TMPRSS6: variants seen among roughly 807,000 people sequenced by gnomAD.
TMPRSS6 encodes transmembrane serine protease 6, also known as transmembrane protease serine 6.
A neutral mutation model predicts 101.5 loss-of-function variants in TMPRSS6; 67 were observed. The observed-to-expected ratio is 0.66, with a 90% CI of 0.54 to 0.81. The LOEUF (loss-of-function observed/expected upper bound fraction) is 0.81. TMPRSS6 is among the 30% of genes least tolerant of loss of function. The pLI is 0.00. For missense variants in TMPRSS6, 1,034 were observed against 1,088.7 expected (o/e 0.95, Z 0.71); for synonymous variants, 453 against 464.9 (o/e 0.97, Z 0.33).
In TMPRSS6 at chr22:37,095,906, C is replaced by T. The variant is rs778229595; in HGVS notation, c.589G>A (p.Glu197Lys). The change falls in exon 5 of 18, where the codon GAA becomes AAA. Residue 197 changes from glutamate to lysine, a missense_variant and splice_region_variant. By Grantham distance (56) the Glu-to-Lys change is moderately conservative. Transcript: ENST00000676104. ...CCACGTTTCCACTCGCAGTACTGAC[C>T]CAGGATCACTAGGCCCTCGGGGTCC... ...EVDPEGLVILEASVKDIAALN... is the reference protein window; with the variant it reads ...EVDPEGLVILKASVKDIAALN... The T allele has an allele frequency of 1.2e-6, 2 of 1,614,042 alleles. No individual in the cohort carries two copies. Among genetic ancestry groups the T allele is most frequent in the Non-Finnish European group, 1.7e-6 (2 of 1,179,962 alleles).
In TMPRSS6 at chr22:37,073,594, G is replaced by A. The variant is rs138915369; in HGVS notation, c.1493C>T (p.Pro498Leu). ...CKEDSTCISL[P>L]KVCDGQPDCL... ...ATCAGGCTGCCCATCACAGACCTTG[G>A]GCAGTGAGATGCATGTGCTGTCCTC... The change falls in exon 13 of 18, where the codon CCC (proline) becomes CTC (leucine). Residue 498 changes from proline to leucine, a missense_variant. Physicochemically the swap from Pro to Leu is moderately conservative, Grantham distance 98 (BLOSUM62 -3). Transcript: ENST00000676104. The A allele has an allele frequency of 1.9e-4, 305 of 1,614,026 alleles. No individual in the cohort carries two copies. The highest frequency in any genetic ancestry group is 2.2e-4 in the Non-Finnish European group (262 of 1,180,026).
chr22:37,092,778 G>T (rs930301035), intron 6 of TMPRSS6, among the ~76,000 whole-genome samples: 1 of 152,220 alleles, frequency 6.6e-6, no homozygotes, highest in Admixed American at 6.5e-5. Flanking sequence ...TTACAGGCTT[G>T]TGCCACCACG....
rs781235699 is a variant in TMPRSS6, at chr22:37,066,039, G to C, written c.*41C>G. On this transcript the variant is annotated 3_prime_UTR_variant, in exon 18 of 18. Coordinates refer to ENST00000676104, the MANE Select transcript of TMPRSS6 (RefSeq NM_001374504.1). Reference sequence around the variant, plus strand: ...GCTTGGCAGTTGCCCTGGGCTCTCTGAGTCCAGGAGGTGGGCCCTGCTTTG... The same window carrying C: ...GCTTGGCAGTTGCCCTGGGCTCTCTCAGTCCAGGAGGTGGGCCCTGCTTTG... 4.3e-6 allele frequency: 7 copies of C among 1,612,752 alleles called. No homozygotes were observed. In the South Asian group the frequency reaches 6.6e-5, roughly 15 times the overall value.
At chr22:37,067,174 A>G (rs1926381482) in intron 16 of TMPRSS6, among the ~76,000 whole-genome samples, 2 of 152,148 alleles carry the variant, frequency 1.3e-5, no homozygotes, top group Admixed American at 1.3e-4. Flanking sequence ...GCCCCCGACC[A>G]AAGCCCATGT....
In TMPRSS6 at chr22:37,086,354, A is replaced by T; in HGVS notation, c.902T>A (p.Val301Asp). 1 of 1,612,414 alleles carries T rather than the reference A, an allele frequency of 6.2e-7. No homozygotes were observed. Among genetic ancestry groups the T allele is most frequent in the Non-Finnish European group, 8.5e-7 (1 of 1,179,374 alleles). ...GCTGTGCAGGCCCTTCTTCCAGACGACCGCCATGATGGCCCCCGACGCCAG... is the reference window on the plus strand; with the variant it reads ...GCTGTGCAGGCCCTTCTTCCAGACGTCCGCCATGATGGCCCCCGACGCCAG... ...EVLASGAIMAVVWKKGLHSYY... is the reference protein window; with the variant it reads ...EVLASGAIMADVWKKGLHSYY... Residue 301 changes from valine (V) to aspartate (D), a missense_variant, in exon 8 of 18, where the codon GTC becomes GAC. Coordinates refer to ENST00000676104, the MANE Select transcript of TMPRSS6 (RefSeq NM_001374504.1).
At chr22:37,077,026 T>A (rs891114372) in intron 10 of TMPRSS6, among the ~76,000 whole-genome samples, 9 of 152,222 alleles carry the variant, frequency 5.9e-5, no homozygotes, top group African/African-American at 2.2e-4. Context: ...AATAAGTTAA[T>A]CAATTCCTTA....
chr22:37,082,816 C>G (rs1032646429), intron 10 of TMPRSS6: 1 of 370,420 alleles, frequency 2.7e-6, no homozygotes, highest in East Asian at 7.2e-5. Context: ...CCCCATGTTA[C>G]CCCCAACAGC....
In TMPRSS6 at chr22:37,089,663, G is replaced by A. The variant is rs754758973; in HGVS notation, c.751C>T (p.Arg251Trp). Residue 251 changes from arginine to tryptophan, a missense_variant, in exon 7 of 18, where the codon CGG becomes TGG. Physicochemically the swap from Arg to Trp is moderately radical, Grantham distance 101. Transcript: ENST00000676104. ...QGPKDLMLKLRLEWTLAECRD... is the reference protein window; with the variant it reads ...QGPKDLMLKLWLEWTLAECRD... ...CACTCTGCCAGCGTCCACTCCAGCC[G>A]GAGTTTGAGCATGAGGTCCTTGGGG... is the stretch of plus-strand genomic sequence containing the variant. 17 of 1,612,494 alleles carry A rather than the reference G, an allele frequency of 1.1e-5. No individual in the cohort carries two copies. Among genetic ancestry groups the A allele is most frequent in the African/African-American group, 2.7e-5 (2 of 74,860 alleles).
rs1930553927 is a variant in TMPRSS6 at position 37,103,991 on chromosome 22, G to A, written c.-1-573C>T. Among the ~76,000 whole-genome samples the A allele has an allele frequency of 6.6e-6, 1 of 152,182 alleles. No homozygotes were observed. The highest frequency in any genetic ancestry group is 2.4e-5 in the African/African-American group (1 of 41,434). ...TCTCTCTCACCTTTCTGCTCTCAAA[G>A]TCTTGTGGCAGAGGAAGGGAACAAA... is the stretch of plus-strand genomic sequence containing the variant. On this transcript the variant is annotated intron_variant, in intron 1 of 17. Transcript: ENST00000676104. The surrounding 1 kb of genome is among the most constrained non-coding windows in gnomAD (Gnocchi z 4.4).
upstream of TMPRSS6, among the ~76,000 whole-genome samples, chr22:37,110,086 T>C (rs1601585249): frequency 6.7e-6 from 1 of 149,468 alleles, no homozygotes; most frequent in Admixed American, 6.7e-5. Context: ...AGGGGTGGGG[T>C]TTGATGCTAT....
At chr22:37,067,892 G>GGCCCTGTCTTC (rs1926480536) in intron 16 of TMPRSS6, among the ~76,000 whole-genome samples, 1 of 151,830 alleles carries the variant, frequency 6.6e-6, no homozygotes, top group Admixed American at 6.6e-5. Flanking sequence ...CCTCGCCCAG[G>GGCCCTGTCTTC]CACGCCTGCC....
chr22:37,074,414 G>A (rs1319283354), intron 12 of TMPRSS6, among the ~76,000 whole-genome samples, 196 bp downstream of exon 12: 1 of 152,180 alleles, frequency 6.6e-6, no homozygotes, highest in Non-Finnish European at 1.5e-5. Context: ...ACTGTCCCAC[G>A]AGGTGGTCTC....
chr22:37,099,618 G>A (rs984204245), intron 2 of TMPRSS6, among the ~76,000 whole-genome samples: 2 of 152,148 alleles, frequency 1.3e-5, no homozygotes, highest in African/African-American at 4.8e-5. Context: ...AGAAAAAACT[G>A]CCCTTAATAG....
chr22:37,106,601 G>A lies in TMPRSS6; in HGVS notation c.-2+2902C>T, dbSNP rs78262902. 7.4e-3 allele frequency among the ~76,000 whole-genome samples: 1,133 copies of A among 152,152 alleles called. 23 individuals are homozygous for A. The highest frequency in any genetic ancestry group is 0.026 in the African/African-American group (1,099 of 41,492). ...AACTTCCCACCCAAACCCCTGGGGC[G>A]GCCTCCTCACTAGGTCCCCTGCCTC... On this transcript the variant is annotated intron_variant, in intron 1 of 17. Transcript: ENST00000676104.
chr22:37,083,476 C>T (rs1233702233), intron 10 of TMPRSS6, among the ~76,000 whole-genome samples: 1 of 152,204 alleles, frequency 6.6e-6, no homozygotes, highest in Non-Finnish European at 1.5e-5. Context: ...CTTAAATGTC[C>T]CCTTCCTTGA....
chr22:37,096,215 GCCT>G, intron 4 of TMPRSS6, 125 bp from the exon 5 acceptor site: 2 of 1,092,684 alleles, frequency 1.8e-6, no homozygotes, highest in Non-Finnish European at 2.7e-6. Context: ...TCACGCAGAA[GCCT>G]CCTAGCGACC....
At position 37,075,242 on chromosome 22, in the gene TMPRSS6, C is replaced by G; in HGVS notation, c.1235G>C (p.Arg412Thr). ...CCCGGCCGTGGCCACCACGGGGATC[C>G]TCTCGGCGTAGGGCTGCAGGATGCG... is the stretch of plus-strand genomic sequence containing the variant. The part of the protein sequence containing the change: ...GLRILQPYAE[R>T]IPVVATAGIT... Residue 412 changes from arginine to threonine, a missense_variant, in exon 11 of 18, where the codon AGG becomes ACG. Physicochemically the swap from Arg to Thr is moderately conservative, Grantham distance 71. Coordinates refer to ENST00000676104, the MANE Select transcript of TMPRSS6 (RefSeq NM_001374504.1). The G allele has an allele frequency of 6.2e-7, 1 of 1,613,762 alleles. No homozygotes were observed. The highest frequency in any genetic ancestry group is 8.5e-7 in the Non-Finnish European group (1 of 1,180,028).
upstream of TMPRSS6, among the ~76,000 whole-genome samples, chr22:37,110,425 T>C (rs1026924708): frequency 6.6e-6 from 1 of 151,958 alleles, no homozygotes; most frequent in Non-Finnish European, 1.5e-5. Flanking sequence ...ATTACAGGCA[T>C]GAGCGACCGC....
In TMPRSS6 at chr22:37,103,551, G is replaced by T; in HGVS notation, c.-1-133C>A. On this transcript the variant is annotated intron_variant, in intron 1 of 17. Coordinates refer to ENST00000676104, the MANE Select transcript of TMPRSS6 (RefSeq NM_001374504.1). This position sits in a 1 kb window ranked among gnomAD's most constrained non-coding sequence, Gnocchi z 4.4. ...AAGAGTAACAACATCAGGCGGCAGT[G>T]ACTGCAAGTGGGTGCCGAGACAGCT... is the stretch of plus-strand genomic sequence containing the variant. 1.2e-6 allele frequency: 2 copies of T among 1,613,908 alleles called. No individual in the cohort carries two copies. Among genetic ancestry groups the T allele is most frequent in the South Asian group, 2.2e-5 (2 of 91,060 alleles).
Sources: allele counts gnomAD v4.1 joint callset (sites outside exome capture counted in the v4.1 genomes callset), GRCh38; gene constraint gnomAD v4.1.1; non-coding constraint Gnocchi (gnomAD v3.1); transcripts MANE v1.5; gene names NCBI Gene and HGNC (gene_info 2026-07-23, HGNC 2026-07-21).